The following OGG1 variants were observed in gnomAD, a reference collection of about 807,000 sequenced individuals.
OGG1 encodes N-glycosylase/DNA lyase.
A neutral mutation model predicts 42.3 loss-of-function variants in OGG1; 35 were observed. That is an observed-to-expected ratio of 0.83 (90% confidence interval 0.63 to 1.10). The LOEUF (loss-of-function observed/expected upper bound fraction) is 1.10. OGG1 is among the 50% of genes least tolerant of loss of function. The pLI, the probability that OGG1 is intolerant of heterozygous loss-of-function variation, is 0.00. For synonymous variants in OGG1, 189 were observed against 179.0 expected, an observed-to-expected ratio of 1.06 and a Z score of -0.44; for missense variants, 484 against 446.7, an observed-to-expected ratio of 1.08 and a Z score of -0.75.
intron 3 of OGG1, among the ~76,000 whole-genome samples, chr3:9,786,289 C>T (rs141433453): frequency 9.5e-4 from 144 of 152,254 alleles, no homozygotes; most frequent in African/African-American, 3.4e-3. Context: ...CCAGAGTGAC[C>T]TTGTGCAGAC....
intron 2 of OGG1, 63 bp from the exon 3 acceptor site, chr3:9,751,707 G>C (rs2077308448): frequency 1.3e-6 from 2 of 1,501,370 alleles, no homozygotes; most frequent in Non-Finnish European, 1.9e-6. Flanking sequence ...CTGACCTGTG[G>C]GTGGGAAGAG....
downstream of OGG1, chr3:9,760,601 G>T: frequency 6.3e-7 from 1 of 1,578,194 alleles, no homozygotes; most frequent in Non-Finnish European, 8.7e-7. Context: ...CCCCAAAGCA[G>T]GTGAGGGAGG....
downstream of OGG1, chr3:9,789,718 G>T: frequency 1.9e-6 from 3 of 1,612,808 alleles, no homozygotes; most frequent in Non-Finnish European, 2.5e-6. Context: ...AGAACCTGTT[G>T]GGGGCATCAT....
In OGG1 at chr3:9,750,008, C is replaced by A. The variant is rs1025349815; in HGVS notation, c.-279C>A. 7.9e-6 allele frequency: 4 copies of A among 504,938 alleles called. No homozygotes were observed. Among genetic ancestry groups the A allele is most frequent in the African/African-American group, 7.6e-5 (4 of 52,344 alleles). 31.3% of individuals were successfully genotyped at this position (504,938 alleles called of 1,614,324 possible). A position where few individuals can be genotyped will look rare whatever the true frequency, so the allele number is the denominator to read the frequency against. The stretch of plus-strand genomic sequence containing the variant: ...AGAAGAACACAGCTGTGCGCGCCCA[C>A]AGGCTCTGGGGGCGGGAGAAGATAA... On this transcript the variant is annotated 5_prime_UTR_variant, in exon 1 of 7. Transcript: ENST00000344629.
chr3:9,757,976 C>T, downstream of OGG1: 4 of 1,432,888 alleles, frequency 2.8e-6, no homozygotes, highest in South Asian at 4.4e-5. The surrounding 1 kb of genome is among the most constrained non-coding windows in gnomAD (Gnocchi z 4.5). Context: ...TATTAATTCC[C>T]CTAAAGCCCC....
chr3:9,778,210 A>G (rs1176104421), intron 2 of OGG1, among the ~76,000 whole-genome samples: 1 of 152,204 alleles, frequency 6.6e-6, no homozygotes, highest in East Asian at 1.9e-4. Flanking sequence ...CATTATCATT[A>G]TGATTAGAGT....
downstream of OGG1, among the ~76,000 whole-genome samples, chr3:9,768,261 G>A (rs964264363): frequency 6.6e-6 from 1 of 152,184 alleles, no homozygotes; most frequent in Non-Finnish European, 1.5e-5. Flanking sequence ...CCAGCAGCCT[G>A]GGCTTCCAGC....
At chr3:9,760,530 G>A (rs1017130245), downstream of OGG1, 19 of 928,820 alleles carry the variant, frequency 2.0e-5, no homozygotes, top group African/African-American at 1.3e-4. Flanking sequence ...GTCTGGTCTC[G>A]AAGACAGCTC....
rs760419146 is a variant in OGG1 at position 9,751,013 on chromosome 3, C to G, written c.206C>G (p.Thr69Ser). 1.2e-5 allele frequency: 19 copies of G among 1,613,814 alleles called. No homozygotes were observed. Among genetic ancestry groups the G allele is most frequent in the Non-Finnish European group, 1.5e-5 (18 of 1,179,922 alleles). Residue 69 changes from threonine to serine, a missense_variant, in exon 2 of 7, where the codon ACT becomes AGT. By Grantham distance (58) the Thr-to-Ser change is moderately conservative (BLOSUM62 1). Coordinates refer to ENST00000344629, the MANE Select transcript of OGG1 (RefSeq NM_002542.6). Reference sequence around the variant, plus strand: ...GATCAAGTATGGACACTGACTCAGACTGAGGAGCAGCTCCACTGCACTGTG... The same window carrying G: ...GATCAAGTATGGACACTGACTCAGAGTGAGGAGCAGCTCCACTGCACTGTG... ...LADQVWTLTQ[T>S]EEQLHCTVYR...
At position 9,750,935 on chromosome 3, in the gene OGG1, T is replaced by C; in HGVS notation, c.138-10T>C. On this transcript the variant is annotated splice_polypyrimidine_tract_variant and intron_variant, in intron 1 of 6. Coordinates refer to ENST00000344629, the MANE Select transcript of OGG1 (RefSeq NM_002542.6). ...TTGAGTGCCAGGGTTGTCATGTGCC[T>C]TGGGCTCAGGTGGAGGGAGCAAAGT... 3 of 1,613,870 alleles carry C rather than the reference T, an allele frequency of 1.9e-6. No individual in the cohort carries two copies. Among genetic ancestry groups the C allele is most frequent in the Middle Eastern group, 1.7e-4 (1 of 5,916 alleles).
At chr3:9,775,537 A>G (rs145416464) in intron 2 of OGG1, among the ~76,000 whole-genome samples, 165 of 152,212 alleles carry the variant, frequency 1.1e-3, no homozygotes, top group African/African-American at 3.8e-3. Flanking sequence ...ACAAACCACC[A>G]GTGGCTCCCT....
intron 3 of OGG1, 120 bp from the exon 4 acceptor site, chr3:9,754,584 G>T: frequency 9.7e-7 from 1 of 1,031,122 alleles, no homozygotes; most frequent in East Asian, 2.6e-5. Flanking sequence ...ATAGAGGGTG[G>T]GGAGGTAGGA....
intron 3 of OGG1, among the ~76,000 whole-genome samples, chr3:9,754,012 GC>G (rs1190965420): frequency 2.0e-5 from 3 of 152,136 alleles, no homozygotes; most frequent in Non-Finnish European, 2.9e-5. Flanking sequence ...GGTGACACAA[GC>G]CTGTAGTCTC....
At chr3:9,756,705 C>G (rs1173654379) in intron 5 of OGG1, 62 bp from the exon 6 acceptor site, 9 of 1,613,844 alleles carry the variant, frequency 5.6e-6, no homozygotes, top group Non-Finnish European at 7.6e-6. Context: ...CCCTCAGACC[C>G]TACTTCTGTT....
At chr3:9,788,838 CTTTT>C (rs754997174), downstream of OGG1, among the ~76,000 whole-genome samples, 1 of 143,034 alleles carries the variant, frequency 7.0e-6, no homozygotes, top group Non-Finnish European at 1.5e-5. Context: ...ACTTTTATAT[CTTTT>C]TTTTTTTTTT....
Position 9,785,459 on chromosome 3 carries a change from T to C in OGG1, c.383-2269T>C, listed in dbSNP as rs376787584. ...CCACAAAAATGAGTGGAAGGAAAAA[T>C]AGCTGTTCCACTTTCCTGCTCCTTT... On this transcript the variant is annotated intron_variant, in intron 3 of 3. Coordinates refer to the OGG1 transcript ENST00000426518. The C allele has an allele frequency of 2.9e-5, 42 of 1,459,212 alleles. 1 individual carries two copies. In the South Asian group the frequency reaches 3.5e-4, roughly 12 times the overall value. The allele number at this position is 1,459,212 out of a possible 1,614,324, so 90.4% of individuals were successfully genotyped here.
chr3:9,766,346 A>ACAGTTGGTTCATC (rs2078151442), exon 8 of OGG1: 3 of 675,138 alleles, frequency 4.4e-6, no homozygotes, highest in Non-Finnish European at 8.1e-6. Flanking sequence ...GATTATGTGT[A>ACAGTTGGTTCATC]CAGTTGGTTC....
At chr3:9,761,320 G>T, downstream of OGG1, 1 of 812,620 alleles carries the variant, frequency 1.2e-6, no homozygotes, top group Non-Finnish European at 1.9e-6. Flanking sequence ...ATTGAATGAA[G>T]TAATACTGGT....
At chr3:9,759,186 GCT>G (rs777497784), downstream of OGG1, 2 of 1,611,458 alleles carry the variant, frequency 1.2e-6, no homozygotes, top group African/African-American at 1.3e-5. Context: ...TTAACTGACA[GCT>G]CTGTCAGGTC....
Sources: gnomAD v4.1 joint callset for allele counts (sites outside exome capture counted in the v4.1 genomes callset) on GRCh38, gnomAD v4.1.1 for gene constraint, Gnocchi (gnomAD v3.1) non-coding constraint, MANE v1.5 for transcripts, NCBI Gene and HGNC (gene_info 2026-07-23, HGNC 2026-07-21) for gene names.